The following ARHGAP11B variants were observed in gnomAD, a reference collection of about 807,000 sequenced individuals.
The protein encoded by ARHGAP11B is inactive Rho GTPase-activating protein 11B.
In ARHGAP11B, 14 loss-of-function variants were observed where a neutral mutation model predicts 27.6. That is an observed-to-expected ratio of 0.51 (90% confidence interval 0.34 to 0.79). ARHGAP11B has a LOEUF of 0.79. Among genes scored for constraint, ARHGAP11B ranks in the 30% least tolerant of loss-of-function variants. The probability of loss-of-function intolerance (pLI) is 0.02; values close to 1 mark genes in which losing one functional copy is unlikely to be tolerated. For synonymous variants in ARHGAP11B, 82 were observed against 114.1 expected, an observed-to-expected ratio of 0.72 and a Z score of 1.80; for missense variants, 245 against 320.1, an observed-to-expected ratio of 0.77 and a Z score of 1.79.
chr15:30,634,537 A>G (rs2060266716), intron 4 of ARHGAP11B, 114 bp downstream of exon 4: 1 of 1,427,374 alleles, frequency 7.0e-7, no homozygotes, highest in Non-Finnish European at 9.4e-7. Flanking sequence ...TAAAAATTCC[A>G]TATTTCATTA....
At chr15:30,627,960 T>C (rs1272446519) in intron 1 of ARHGAP11B, among the ~76,000 whole-genome samples, 1 of 151,908 alleles carries the variant, frequency 6.6e-6, no homozygotes, top group Non-Finnish European at 1.5e-5. Flanking sequence ...TTTAAAAAGC[T>C]ACAGTGATTT....
At chr15:30,649,099 A>G (rs917929699) in exon 11 of ARHGAP11B, 1 of 152,054 alleles carries the variant, frequency 6.6e-6, no homozygotes, top group East Asian at 1.9e-4. Flanking sequence ...CCTCTGTATC[A>G]GCCCGGAGAT....
intron 7 of ARHGAP11B, among the ~76,000 whole-genome samples, chr15:30,642,321 TG>T (rs2060320567): frequency 6.6e-6 from 1 of 152,030 alleles, no homozygotes; most frequent in Admixed American, 6.6e-5. Flanking sequence ...CTTTTGTAAT[TG>T]TTTACTATAG....
In ARHGAP11B at chr15:30,646,201, C is replaced by T. The variant is rs909198020; in HGVS notation, c.*230C>T. The T allele has an allele frequency of 2.3e-5, 24 of 1,065,462 alleles. No homozygotes were observed. The Admixed American group carries it at 3.8e-4, about 17-fold the overall frequency. The allele number at this position is 1,065,462 out of a possible 1,614,324, so 66.0% of individuals were successfully genotyped here. ...CAGATCGACTCCAGTGAGAAGAGCTCGGGGACCTCCTGAGCCAAGTTTAAT... is the reference window on the plus strand; with the variant it reads ...CAGATCGACTCCAGTGAGAAGAGCTTGGGGACCTCCTGAGCCAAGTTTAAT... On this transcript the variant is annotated 3_prime_UTR_variant, in exon 9 of 11. Coordinates refer to ENST00000428041, the Ensembl canonical transcript of ARHGAP11B.
At chr15:30,644,455 T>A (rs898949800) in intron 7 of ARHGAP11B, among the ~76,000 whole-genome samples, 5 of 152,060 alleles carry the variant, frequency 3.3e-5, no homozygotes, top group South Asian at 4.1e-4. Flanking sequence ...AATGATTTTT[T>A]AAAATAAATT....
At chr15:30,641,519 T>C (rs1000354996) in intron 7 of ARHGAP11B, 1 of 151,842 alleles carries the variant, frequency 6.6e-6, no homozygotes, top group Non-Finnish European at 1.5e-5. Flanking sequence ...TTTGCATTTT[T>C]AGTAGAGACG....
chr15:30,635,694 A>G, intron 6 of ARHGAP11B, 61 bp downstream of exon 6: 5 of 1,564,038 alleles, frequency 3.2e-6, no homozygotes, highest in Non-Finnish European at 4.4e-6. Context: ...AGTACATTTC[A>G]CATAAAGAAG....
chr15:30,637,754 G>A (rs989944942), intron 6 of ARHGAP11B, among the ~76,000 whole-genome samples: 1 of 149,514 alleles, frequency 6.7e-6, no homozygotes, highest in Admixed American at 6.7e-5. Context: ...ATTAAAAAAA[G>A]AATCTTCTTG....
chr15:30,644,987 C>T (rs1339121090), intron 8 of ARHGAP11B, among the ~76,000 whole-genome samples: 2 of 151,732 alleles, frequency 1.3e-5, no homozygotes, highest in African/African-American at 2.4e-5. Context: ...TCCTCCCTTC[C>T]GTTCATAGAG....
At position 30,641,174 on chromosome 15, in the gene ARHGAP11B, C is replaced by T. The variant is rs571214322; in HGVS notation, c.*78+2354C>T. Among the ~76,000 whole-genome samples the T allele has an allele frequency of 1.0e-3, 158 of 152,112 alleles. 1 individual carries two copies. The highest frequency in any genetic ancestry group is 3.6e-3 in the African/African-American group (149 of 41,500). ...TAATAATCGTATTATTTTTACACCA[C>T]TTTTCTTTGACCCTACTTTCTCAGC... On this transcript the variant is annotated intron_variant, in intron 7 of 10. Coordinates refer to ENST00000428041, the Ensembl canonical transcript of ARHGAP11B.
intron 7 of ARHGAP11B, among the ~76,000 whole-genome samples, chr15:30,639,063 T>C (rs892777535): frequency 1.3e-5 from 2 of 152,032 alleles, no homozygotes; most frequent in Non-Finnish European, 2.9e-5. Context: ...ATCTTCTTAA[T>C]CATGCTTTTC....
chr15:30,645,143 A>G (rs1275704500), intron 8 of ARHGAP11B, among the ~76,000 whole-genome samples: 1 of 151,886 alleles, frequency 6.6e-6, no homozygotes, highest in Non-Finnish European at 1.5e-5. Context: ...GGGAGTGGAG[A>G]TACTTAAGGG....
chr15:30,636,312 A>T (rs992152341), intron 6 of ARHGAP11B, among the ~76,000 whole-genome samples: 1 of 151,972 alleles, frequency 6.6e-6, no homozygotes, highest in East Asian at 1.9e-4. Flanking sequence ...GTTAGTTAGG[A>T]GTACGAACTA....
At chr15:30,634,324 A>C in exon 4 of ARHGAP11B, 1 of 1,613,470 alleles carries the variant, frequency 6.2e-7, no homozygotes, top group Non-Finnish European at 8.5e-7. Context: ...GGCACAGAGG[A>C]AAAGAATAAA....
At chr15:30,632,053 T>C (rs2060249191) in intron 2 of ARHGAP11B, among the ~76,000 whole-genome samples, 1 of 146,894 alleles carries the variant, frequency 6.8e-6, no homozygotes, top group Non-Finnish European at 1.5e-5. Context: ...CCCAAAGTGC[T>C]AGGATTACAG....
intron 1 of ARHGAP11B, among the ~76,000 whole-genome samples, chr15:30,627,953 A>T (rs1180172973): frequency 6.6e-6 from 1 of 151,936 alleles, no homozygotes; most frequent in African/African-American, 2.4e-5. Flanking sequence ...ACTTACATTT[A>T]AAAAGCTACA....
intron 8 of ARHGAP11B, chr15:30,646,063 A>G (rs1414858476): frequency 4.6e-6 from 2 of 439,286 alleles, no homozygotes; most frequent in South Asian, 6.6e-5. Context: ...TAATGTTTCC[A>G]GCAGTTGTTT....
intron 8 of ARHGAP11B, among the ~76,000 whole-genome samples, chr15:30,645,359 G>A (rs2060340970): frequency 6.6e-6 from 1 of 151,616 alleles, no homozygotes; most frequent in African/African-American, 2.4e-5. Flanking sequence ...AACTAGCTAA[G>A]GGTTTGTATC....
intron 9 of ARHGAP11B, among the ~76,000 whole-genome samples, chr15:30,647,027 T>G (rs1003826480): frequency 3.3e-5 from 5 of 151,928 alleles, no homozygotes; most frequent in African/African-American, 1.2e-4. Flanking sequence ...CATCAGTGAC[T>G]GGAATGAACT....
Sources: allele counts gnomAD v4.1 joint callset (sites outside exome capture counted in the v4.1 genomes callset), GRCh38; gene constraint gnomAD v4.1.1; transcripts MANE v1.5; gene names NCBI Gene and HGNC (gene_info 2026-07-23, HGNC 2026-07-21).